The following CNBD1 variants were observed in gnomAD, a reference collection of about 807,000 sequenced individuals.
CNBD1 encodes cyclic nucleotide binding domain containing 1.
In CNBD1, 71 loss-of-function variants were observed where a neutral mutation model predicts 54.4. The ratio of observed to expected loss-of-function variants is 1.30; its 90% CI spans 1.08 to 1.59. The LOEUF (loss-of-function observed/expected upper bound fraction) is 1.59, where lower values mean the gene tolerates loss of function less well. CNBD1 is among the 40% of genes most tolerant of loss of function. CNBD1 has a pLI of 0.00. For synonymous variants in CNBD1, 182 were observed against 170.7 expected (o/e 1.07, Z -0.51); for missense variants, 659 against 518.0 (o/e 1.27, Z -2.64).
intron 4 of CNBD1, among the ~76,000 whole-genome samples, chr8:87,036,410 T>C (rs1344646177): frequency 1.3e-5 from 2 of 151,854 alleles, no homozygotes; most frequent in South Asian, 4.2e-4. Context: ...CTGGCTGACA[T>C]GGTGAAACCC....
At chr8:86,983,803 G>C (rs925892001) in intron 4 of CNBD1, among the ~76,000 whole-genome samples, 1 of 152,200 alleles carries the variant, frequency 6.6e-6, no homozygotes, top group Non-Finnish European at 1.5e-5. Context: ...GCTGTTAAAA[G>C]CATTCAGTTT....
intron 4 of CNBD1, among the ~76,000 whole-genome samples, chr8:87,195,295 C>T (rs930842106): frequency 8.3e-5 from 12 of 144,766 alleles, no homozygotes; most frequent in African/African-American, 2.6e-4. Context: ...GTGGCACAAT[C>T]TTGGCTGTCT....
intron 8 of CNBD1, among the ~76,000 whole-genome samples, chr8:87,295,799 A>G (rs975882681): frequency 2.0e-5 from 3 of 152,166 alleles, no homozygotes; most frequent in African/African-American, 7.2e-5. Context: ...ATTTTCTCAC[A>G]TTTGAAGCAA....
At chr8:86,974,046 G>A (rs937199394) in intron 4 of CNBD1, among the ~76,000 whole-genome samples, 1 of 151,824 alleles carries the variant, frequency 6.6e-6, no homozygotes, top group Non-Finnish European at 1.5e-5. Flanking sequence ...ACCCCAAACG[G>A]TTACTAAGAG....
chr8:87,258,454 C>A (rs1281870237), intron 6 of CNBD1, among the ~76,000 whole-genome samples: 1 of 150,810 alleles, frequency 6.6e-6, no homozygotes, highest in Non-Finnish European at 1.5e-5. Flanking sequence ...GATGGAGTCT[C>A]ACTGTCTGGC....
At chr8:87,348,905 T>A (rs1274199264) in intron 8 of CNBD1, among the ~76,000 whole-genome samples, 1 of 152,206 alleles carries the variant, frequency 6.6e-6, no homozygotes, top group East Asian at 1.9e-4. Flanking sequence ...TTAATTTCTG[T>A]GAATCCTTCT....
intron 2 of CNBD1, among the ~76,000 whole-genome samples, chr8:87,412,411 A>G (rs993192331): frequency 3.9e-5 from 6 of 152,080 alleles, no homozygotes; most frequent in Non-Finnish European, 7.4e-5. Context: ...TTGCTTCTCA[A>G]ATGTCAGAAT....
chr8:87,311,228 A>G (rs62528141), intron 8 of CNBD1, among the ~76,000 whole-genome samples: 3 of 152,224 alleles, frequency 2.0e-5, no homozygotes, highest in Admixed American at 6.5e-5. Flanking sequence ...TCTAGAATCT[A>G]TAAGAAACTT....
At chr8:86,958,032 T>C (rs1366637483) in intron 4 of CNBD1, among the ~76,000 whole-genome samples, 1 of 152,234 alleles carries the variant, frequency 6.6e-6, no homozygotes, top group Non-Finnish European at 1.5e-5. Flanking sequence ...ATTTGTGTCT[T>C]TGTTCACATT....
chr8:87,351,259 A>T (rs1278982041), intron 8 of CNBD1, among the ~76,000 whole-genome samples: 4 of 152,190 alleles, frequency 2.6e-5, no homozygotes, highest in Non-Finnish European at 5.9e-5. Context: ...ACAGCCCAAG[A>T]TATAGGCTCT....
At chr8:87,211,723 C>A (rs966534388) in intron 5 of CNBD1, among the ~76,000 whole-genome samples, 1 of 152,186 alleles carries the variant, frequency 6.6e-6, no homozygotes, top group East Asian at 1.9e-4. Flanking sequence ...TGAGCAGATA[C>A]CAGCACCTGC....
intron 6 of CNBD1, among the ~76,000 whole-genome samples, chr8:87,269,828 C>T (rs1024465935): frequency 3.0e-4 from 45 of 151,906 alleles, no homozygotes; most frequent in African/African-American, 1.0e-3. Context: ...TTGAATTCTA[C>T]CAGACATATA....
intron 4 of CNBD1, among the ~76,000 whole-genome samples, chr8:87,058,829 A>G (rs751733387): frequency 7.2e-5 from 11 of 152,086 alleles, no homozygotes; most frequent in Non-Finnish European, 1.3e-4. Flanking sequence ...CATTTTCCCT[A>G]TTGTTTTGGA....
intron 2 of CNBD1, among the ~76,000 whole-genome samples, chr8:87,389,091 G>A (rs1055950157): frequency 1.8e-4 from 28 of 152,104 alleles, no homozygotes; most frequent in Admixed American, 4.6e-4. Flanking sequence ...GGTATTGATG[G>A]GACATATCTC....
At chr8:86,887,449 A>G (rs1808697337) in intron 1 of CNBD1, 93 bp from the exon 2 acceptor site, 1 of 760,322 alleles carries the variant, frequency 1.3e-6, no homozygotes, top group Non-Finnish European at 2.2e-6. Flanking sequence ...GAATTCTTTC[A>G]CTATGATGAA....
At chr8:87,414,271 G>A (rs956820579) in intron 2 of CNBD1, among the ~76,000 whole-genome samples, 31 of 151,622 alleles carry the variant, frequency 2.0e-4, no homozygotes, top group Non-Finnish European at 3.7e-4. Context: ...CTATCGCAAG[G>A]ACAAAAAACC....
At chr8:87,404,852 CTT>C (rs1807627001) in intron 2 of CNBD1, among the ~76,000 whole-genome samples, 1 of 151,838 alleles carries the variant, frequency 6.6e-6, no homozygotes, top group Admixed American at 6.6e-5. Context: ...TTTTGCAAAA[CTT>C]TCTGAAATGT....
At chr8:86,908,635 C>G (rs1350283401) in intron 3 of CNBD1, among the ~76,000 whole-genome samples, 1 of 151,948 alleles carries the variant, frequency 6.6e-6, no homozygotes, top group Non-Finnish European at 1.5e-5. Flanking sequence ...GACCTTTTTT[C>G]AAACAGATTA....
chr8:86,883,672 T>C (rs1808636524), intron 1 of CNBD1, among the ~76,000 whole-genome samples: 1 of 152,118 alleles, frequency 6.6e-6, no homozygotes, highest in Non-Finnish European at 1.5e-5. Context: ...AAGGAGGTTA[T>C]TTGACTAGAA....
Sources: gnomAD v4.1 joint callset for allele counts (sites outside exome capture counted in the v4.1 genomes callset) on GRCh38, gnomAD v4.1.1 for gene constraint, MANE v1.5 for transcripts, NCBI Gene and HGNC (gene_info 2026-07-23, HGNC 2026-07-21) for gene names.